CTNNA2: variants seen among roughly 807,000 people sequenced by gnomAD.
CTNNA2 encodes catenin alpha 2.
In CTNNA2, 42 loss-of-function variants were observed where a neutral mutation model predicts 101.0. The observed-to-expected ratio is 0.42, with a 90% CI of 0.32 to 0.54. The LOEUF is 0.54. Among genes scored for constraint, CTNNA2 ranks in the 20% least tolerant of loss-of-function variants. The probability of loss-of-function intolerance (pLI) is 0.14; values close to 1 mark genes in which losing one functional copy is unlikely to be tolerated. For missense variants in CTNNA2, 871 were observed against 1,223.1 expected, an observed-to-expected ratio of 0.71 and a Z score of 4.29; for synonymous variants, 450 against 456.4, an observed-to-expected ratio of 0.99 and a Z score of 0.18.
At chr2:79,491,104 A>T (rs1014870330) in intron 4 of CTNNA2, among the ~76,000 whole-genome samples, 1 of 152,208 alleles carries the variant, frequency 6.6e-6, no homozygotes, top group Non-Finnish European at 1.5e-5. Flanking sequence ...GGGGTTCACT[A>T]GTTGATCTTT....
At chr2:79,494,271 T>A (rs1671233019) in intron 4 of CTNNA2, among the ~76,000 whole-genome samples, 1 of 96,994 alleles carries the variant, frequency 1.0e-5, no homozygotes, top group Non-Finnish European at 2.1e-5. Context: ...AATTCCCAGC[T>A]GCCCTATTTT....
Position 79,372,671 on chromosome 2 carries a change from A to C in CTNNA2, c.-317-1160A>C, listed in dbSNP as rs78614884. Among the ~76,000 whole-genome samples, 369 of 152,324 alleles carry C rather than the reference A, an allele frequency of 2.4e-3. 3 individuals carry two copies. Among genetic ancestry groups the C allele is most frequent in the African/African-American group, 8.7e-3 (360 of 41,582 alleles). ...CACAAAGGGCTGTTTTTCAGGACAG[A>C]TCCCTTGAATCAATACCTCCCCAGA... On this transcript the variant is annotated intron_variant, in intron 3 of 21. Coordinates refer to the CTNNA2 transcript ENST00000466387.
chr2:79,831,587 G>A (rs1678932952), intron 3 of CTNNA2, among the ~76,000 whole-genome samples: 1 of 151,950 alleles, frequency 6.6e-6, no homozygotes, highest in African/African-American at 2.4e-5. Context: ...CAGGAAATAT[G>A]ATAACTCATT....
In CTNNA2 at chr2:79,587,360, G is replaced by A. The variant is rs192783683; in HGVS notation, c.-5-64192G>A. On this transcript the variant is annotated intron_variant, in intron 1 of 18. Transcript: ENST00000402739. ...AATGAGATGAGGAAGCTGAGGCACC[G>A]AGAAGTTACGTAACATGCCCAAGGC... Among the ~76,000 whole-genome samples, 49 of 152,176 alleles carry A rather than the reference G, an allele frequency of 3.2e-4. 1 individual carries two copies. The East Asian group carries it at 8.9e-3, about 28-fold the overall frequency.
intron 4 of CTNNA2, among the ~76,000 whole-genome samples, chr2:79,400,440 TAA>T (rs1678277717): frequency 6.6e-6 from 1 of 151,906 alleles, no homozygotes; most frequent in Non-Finnish European, 1.5e-5. Context: ...AGAATATCAA[TAA>T]AGAGTTAGAA....
chr2:79,762,694 A>G (rs1261489345), intron 3 of CTNNA2, among the ~76,000 whole-genome samples: 1 of 152,202 alleles, frequency 6.6e-6, no homozygotes, highest in Non-Finnish European at 1.5e-5. Flanking sequence ...TGTCTTGAAA[A>G]TGAATATAAT....
chr2:79,776,479 A>C (rs1673972736), intron 3 of CTNNA2, among the ~76,000 whole-genome samples: 1 of 152,212 alleles, frequency 6.6e-6, no homozygotes. Context: ...AGTCGGGAAG[A>C]AAAACCACTG....
chr2:80,627,921 G>C (rs1024916765), intron 18 of CTNNA2, among the ~76,000 whole-genome samples: 2 of 151,864 alleles, frequency 1.3e-5, no homozygotes, highest in Non-Finnish European at 1.5e-5. Context: ...AAAGTCTCAG[G>C]GTACAAAATC....
intron 16 of CTNNA2, chr2:80,605,556 T>C (rs995537390): frequency 6.6e-6 from 1 of 151,882 alleles, no homozygotes; most frequent in African/African-American, 2.4e-5. Context: ...ATTGTAGTTT[T>C]CCTCCCTCAT....
At chr2:79,847,542 CAAAAAAAAAAAAAAAAA>C (rs70940050) in intron 3 of CTNNA2, among the ~76,000 whole-genome samples, 1 of 40,160 alleles carries the variant, frequency 2.5e-5, no homozygotes, top group Non-Finnish European at 4.3e-5. Flanking sequence ...GACTCTGTCT[CAAAAAAAAAAAAAAAAA>C]AAAAAAAAAA....
chr2:80,617,547 C>T (rs1246790439), intron 17 of CTNNA2, among the ~76,000 whole-genome samples: 1 of 151,718 alleles, frequency 6.6e-6, no homozygotes, highest in Admixed American at 6.6e-5. Flanking sequence ...GCAAAACACC[C>T]ATCTTTTTAT....
intron 7 of CTNNA2, among the ~76,000 whole-genome samples, chr2:80,083,633 C>T (rs778781876): frequency 2.6e-5 from 4 of 152,110 alleles, no homozygotes; most frequent in Non-Finnish European, 5.9e-5. Context: ...CTTGAAGAGT[C>T]ATTTTTGAGA....
intron 1 of CTNNA2, among the ~76,000 whole-genome samples, chr2:79,583,062 G>A (rs1440116030): frequency 1.3e-5 from 2 of 151,902 alleles, no homozygotes; most frequent in African/African-American, 4.8e-5. Context: ...TATATTAGTA[G>A]CTTGTTCCCT....
At chr2:79,306,045 CAA>C (rs60219150) in intron 2 of CTNNA2, among the ~76,000 whole-genome samples, 14 of 80,076 alleles carry the variant, frequency 1.7e-4, no homozygotes, top group Admixed American at 2.9e-4. Flanking sequence ...GACACCATTT[CAA>C]AAAAAAAAAA....
intron 3 of CTNNA2, among the ~76,000 whole-genome samples, chr2:79,795,560 AAAG>A (rs1281335521): frequency 6.6e-6 from 1 of 152,140 alleles, no homozygotes; most frequent in South Asian, 2.1e-4. Context: ...TTGTTTATGA[AAAG>A]AAATTATTAG....
intron 9 of CTNNA2, among the ~76,000 whole-genome samples, chr2:80,425,887 T>C (rs1036779521): frequency 1.3e-5 from 2 of 152,134 alleles, no homozygotes; most frequent in Non-Finnish European, 2.9e-5. Flanking sequence ...GGAAAAATAA[T>C]ATGGGTTCTC....
At chr2:80,264,613 G>A (rs1311007588) in intron 7 of CTNNA2, among the ~76,000 whole-genome samples, 1 of 152,084 alleles carries the variant, frequency 6.6e-6, no homozygotes, top group Non-Finnish European at 1.5e-5. Context: ...GCTTAGCTTA[G>A]CCTAAAATCC....
chr2:80,436,154 G>A (rs550904726), intron 9 of CTNNA2, among the ~76,000 whole-genome samples: 8 of 152,222 alleles, frequency 5.3e-5, no homozygotes, highest in Non-Finnish European at 7.3e-5. Flanking sequence ...TAGTGGCTTC[G>A]CTCCCAACCT....
At chr2:79,235,373 G>A (rs1251368185) in intron 2 of CTNNA2, among the ~76,000 whole-genome samples, 1 of 152,156 alleles carries the variant, frequency 6.6e-6, no homozygotes, top group Admixed American at 6.5e-5. Flanking sequence ...CTCTTACTCT[G>A]CTGCATGGCT....
Sources: gnomAD v4.1 joint callset for allele counts (sites outside exome capture counted in the v4.1 genomes callset) on GRCh38, gnomAD v4.1.1 for gene constraint, MANE v1.5 for transcripts, NCBI Gene and HGNC (gene_info 2026-07-23, HGNC 2026-07-21) for gene names.